COG5: variants seen among roughly 807,000 people sequenced by gnomAD.
COG5 encodes conserved oligomeric Golgi complex subunit 5.
A neutral mutation model predicts 110.4 loss-of-function variants in COG5; 86 were observed. The observed-to-expected ratio is 0.78, with a 90% CI of 0.65 to 0.93. The LOEUF (loss-of-function observed/expected upper bound fraction) is 0.93. COG5 is among the 40% of genes least tolerant of loss of function. The pLI, the probability that COG5 is intolerant of heterozygous loss-of-function variation, is 0.00. For synonymous variants in COG5, 360 were observed against 334.6 expected (o/e 1.08, Z -0.83); for missense variants, 1,077 against 987.0 (o/e 1.09, Z -1.22).
intron 7 of COG5, among the ~76,000 whole-genome samples, chr7:107,381,623 G>A (rs1343784811): frequency 6.6e-6 from 1 of 152,178 alleles, no homozygotes; most frequent in Non-Finnish European, 1.5e-5. Flanking sequence ...TTTGGCAGGT[G>A]CTCTCAAATA....
intron 16 of COG5, among the ~76,000 whole-genome samples, chr7:107,254,387 T>C (rs1802733858): frequency 6.6e-6 from 1 of 151,318 alleles, no homozygotes; most frequent in Admixed American, 6.6e-5. Flanking sequence ...TAAGTCAGGT[T>C]TTTTTTTTAC....
chr7:107,431,912 C>T (rs1002589630), intron 6 of COG5, among the ~76,000 whole-genome samples: 2 of 152,234 alleles, frequency 1.3e-5, no homozygotes, highest in Non-Finnish European at 2.9e-5. Flanking sequence ...TGCCCTCAGC[C>T]TCCCAAAGTG....
At position 107,412,503 on chromosome 7, in the gene COG5, T is replaced by C; in HGVS notation, c.668A>G (p.Gln223Arg). ...KRLLEQGLET[Q>R]NPTQVGTALQ... The stretch of plus-strand genomic sequence containing the variant: ...AAAAAACAGTCTTATTTTTATTACC[T>C]GAGTCTCCAAACCCTGCTCTAGTAG... Residue 223 changes from glutamine (Q) to arginine (R), a missense_variant and splice_region_variant, in exon 7 of 22, where the codon CAG becomes CGG. Coordinates refer to ENST00000297135, the MANE Select transcript of COG5 (RefSeq NM_006348.5). 6.2e-7 allele frequency: 1 copy of C among 1,612,486 alleles called. No individual in the cohort carries two copies. Among genetic ancestry groups the C allele is most frequent in the Non-Finnish European group, 8.5e-7 (1 of 1,179,416 alleles).
chr7:107,363,464 A>C (rs1449942912), intron 8 of COG5, among the ~76,000 whole-genome samples: 5 of 152,224 alleles, frequency 3.3e-5, no homozygotes, highest in Admixed American at 3.3e-4. Context: ...ATGAATTATA[A>C]AACAATGATT....
rs1171649751 is a variant in COG5, at chr7:107,415,834, ATG to A, written c.539-3204_539-3203del. On this transcript the variant is annotated intron_variant, in intron 6 of 21. Coordinates refer to ENST00000297135, the MANE Select transcript of COG5 (RefSeq NM_006348.5). The stretch of plus-strand genomic sequence containing the variant: ...TATACACACATACACGTATGTATGT[ATG>A]TGTGTGTATATATACACACACATAC... 6.0e-3 allele frequency among the ~76,000 whole-genome samples: 479 copies of A among 80,032 alleles called. 54 individuals are homozygous for A. The highest frequency in any genetic ancestry group is 0.021 in the African/African-American group (409 of 19,274). The allele number at this position is 80,032 out of a possible 152,430, so 52.5% of individuals were successfully genotyped here. A position where few individuals can be genotyped will look rare whatever the true frequency, so the allele number is the denominator to read the frequency against.
At chr7:107,377,479 T>C (rs1400896333) in intron 7 of COG5, among the ~76,000 whole-genome samples, 3 of 152,194 alleles carry the variant, frequency 2.0e-5, no homozygotes, top group African/African-American at 7.2e-5. Context: ...ATCAGTCTTG[T>C]TGGTATTTAT....
intron 6 of COG5, among the ~76,000 whole-genome samples, chr7:107,441,400 T>C (rs559219643): frequency 2.0e-4 from 30 of 152,312 alleles, no homozygotes; most frequent in Non-Finnish European, 3.4e-4. Flanking sequence ...TCTTAGGGGA[T>C]TGAGTCCTTA....
intron 11 of COG5, among the ~76,000 whole-genome samples, chr7:107,311,672 C>T (rs539657237): frequency 2.6e-5 from 4 of 152,032 alleles, no homozygotes; most frequent in South Asian, 4.2e-4. Flanking sequence ...GGATTACAGG[C>T]GTGAGCCACC....
intron 5 of COG5, among the ~76,000 whole-genome samples, chr7:107,544,751 T>G (rs1802294387): frequency 1.3e-5 from 2 of 152,124 alleles, no homozygotes; most frequent in African/African-American, 2.4e-5. Flanking sequence ...AGAATCACAA[T>G]CAGGGAAACA....
chr7:107,548,141 A>G lies in COG5; in HGVS notation c.387T>C (p.Val129=), dbSNP rs1343110901. ...AKIVEPYNKI[V]ARTAQLARLQ... ...GTCTTGCTAGTTGTGCAGTCCGGGCAACTATCTTATTGTATGGTTCAACAA... is the reference window on the plus strand; with the variant it reads ...GTCTTGCTAGTTGTGCAGTCCGGGCGACTATCTTATTGTATGGTTCAACAA... Residue 129 remains valine (V), a synonymous_variant, in exon 5 of 22, where the codon GTT becomes GTC. Transcript: ENST00000297135. The G allele has an allele frequency of 1.2e-6, 2 of 1,613,808 alleles. No homozygotes were observed. Among genetic ancestry groups the G allele is most frequent in the Non-Finnish European group, 1.7e-6 (2 of 1,179,852 alleles).
At chr7:107,420,237 T>G (rs553989589) in intron 6 of COG5, among the ~76,000 whole-genome samples, 1 of 152,274 alleles carries the variant, frequency 6.6e-6, no homozygotes, top group East Asian at 1.9e-4. Flanking sequence ...CAGTGAAGAT[T>G]AAAAAACCTG....
intron 11 of COG5, among the ~76,000 whole-genome samples, chr7:107,310,947 T>G (rs991586958): frequency 6.6e-6 from 1 of 152,198 alleles, no homozygotes; most frequent in African/African-American, 2.4e-5. Flanking sequence ...TCCATTCCAT[T>G]CTATGGAATT....
intron 3 of COG5, among the ~76,000 whole-genome samples, chr7:107,548,990 CTATTAA>C (rs1306781064): frequency 1.3e-5 from 2 of 152,116 alleles, no homozygotes; most frequent in Admixed American, 6.6e-5. Flanking sequence ...GCATAGTATT[CTATTAA>C]TATCTAAATT....
At chr7:107,236,373 T>A in intron 18 of COG5, 77 bp downstream of exon 18, 3 of 1,092,920 alleles carry the variant, frequency 2.7e-6, no homozygotes, top group South Asian at 2.5e-5. Context: ...AAAACACCGA[T>A]GAAAACACAT....
chr7:107,527,156 T>C (rs1169168259), intron 6 of COG5, 81 bp downstream of exon 6: 1 of 1,319,612 alleles, frequency 7.6e-7, no homozygotes, highest in African/African-American at 1.5e-5. Flanking sequence ...CTAATGGTGA[T>C]AACAAAAGTC....
chr7:107,429,763 T>A (rs113422695), intron 6 of COG5, among the ~76,000 whole-genome samples: 24,416 of 152,168 alleles, frequency 0.16, 2,403 homozygotes, highest in Non-Finnish European at 0.22. Context: ...GATGGTTTTA[T>A]GAAGGAGAGT....
In COG5 at chr7:107,415,994, GTA is replaced by G. The variant is rs1168763980; in HGVS notation, c.539-3364_539-3363del. Among the ~76,000 whole-genome samples the G allele has an allele frequency of 9.5e-5, 13 of 137,164 alleles. 1 individual carries two copies. The highest frequency in any genetic ancestry group is 3.5e-4 in the Admixed American group (5 of 14,094). The allele number at this position is 137,164 out of a possible 152,430, so 90.0% of individuals were successfully genotyped here. ...CACATACACGTATGTATATATGTGT[GTA>G]TATATACACACACATACACGTATGT... On this transcript the variant is annotated intron_variant, in intron 6 of 21. Transcript: ENST00000297135.
intron 18 of COG5, among the ~76,000 whole-genome samples, chr7:107,232,438 T>C (rs187070846): frequency 6.6e-6 from 1 of 152,374 alleles, no homozygotes; most frequent in East Asian, 1.9e-4. Context: ...ACTGAAATTA[T>C]ATATTTTTCA....
intron 14 of COG5, among the ~76,000 whole-genome samples, chr7:107,272,554 G>A (rs557004143): frequency 3.0e-4 from 45 of 151,964 alleles, no homozygotes; most frequent in African/African-American, 1.1e-3. Flanking sequence ...AGATATACGG[G>A]GTTCACAATT....
Sources: allele counts gnomAD v4.1 joint callset (sites outside exome capture counted in the v4.1 genomes callset), GRCh38; gene constraint gnomAD v4.1.1; transcripts MANE v1.5; gene names NCBI Gene and HGNC (gene_info 2026-07-23, HGNC 2026-07-21).